The following TRAF2 variants were observed in gnomAD, a reference collection of about 807,000 sequenced individuals.
TRAF2 encodes TNF receptor associated factor 2, also known as TNF receptor-associated factor 2.
Under a neutral mutation model 55.6 loss-of-function variants are expected in TRAF2, and 6 were observed. The observed-to-expected ratio is 0.11, with a 90% confidence interval of 0.06 to 0.21. TRAF2 has a LOEUF of 0.21. Ranked by LOEUF, TRAF2 falls within the 10% of genes least tolerant of loss-of-function variation. The probability of loss-of-function intolerance (pLI) is 1.00; values close to 1 mark genes in which losing one functional copy is unlikely to be tolerated. For missense variants in TRAF2, 561 were observed against 684.5 expected (o/e 0.82, Z 2.01); for synonymous variants, 329 against 276.3 (o/e 1.19, Z -1.89).
chr9:136,898,320 C>A (rs1849733540), intron 1 of TRAF2, among the ~76,000 whole-genome samples: 1 of 152,192 alleles, frequency 6.6e-6, no homozygotes, highest in South Asian at 2.1e-4. Flanking sequence ...ATTGCAGGAA[C>A]CATGGGGGAG....
chr9:136,925,625 G>A (rs1387138807), intron 10 of TRAF2, 58 bp from the exon 11 acceptor site: 1 of 1,571,628 alleles, frequency 6.4e-7, no homozygotes, highest in African/African-American at 1.3e-5. Flanking sequence ...AGACCCTCGG[G>A]AGCCAGAGAG....
chr9:136,919,785 G>A (rs561245676), intron 7 of TRAF2, among the ~76,000 whole-genome samples: 139 of 150,052 alleles, frequency 9.3e-4, no homozygotes, highest in Middle Eastern at 7.0e-3. Flanking sequence ...GTATGATCTC[G>A]GCTCACTGCA....
chr9:136,921,413 G>C (rs1321243463), intron 9 of TRAF2, among the ~76,000 whole-genome samples, 198 bp downstream of exon 9: 1 of 152,168 alleles, frequency 6.6e-6, no homozygotes, highest in Non-Finnish European at 1.5e-5. Context: ...CCCTCGGGCA[G>C]GGGTCGGGGT....
At chr9:136,921,774 G>A (rs1368027502) in intron 9 of TRAF2, among the ~76,000 whole-genome samples, 2 of 152,008 alleles carry the variant, frequency 1.3e-5, no homozygotes, top group Non-Finnish European at 2.9e-5. Context: ...CACTGCTGGA[G>A]AGGGGGTGGG....
intron 10 of TRAF2, among the ~76,000 whole-genome samples, 161 bp downstream of exon 10, chr9:136,924,161 G>C (rs1588447213): frequency 1.3e-5 from 2 of 152,180 alleles, no homozygotes; most frequent in East Asian, 3.8e-4. Context: ...TCACGCGGTG[G>C]AGAGCTCTGG....
chr9:136,917,744 G>T (rs1850275895), intron 7 of TRAF2, among the ~76,000 whole-genome samples: 1 of 152,198 alleles, frequency 6.6e-6, no homozygotes, highest in South Asian at 2.1e-4. Context: ...GAGCGTGGCT[G>T]CTTCCATTTT....
chr9:136,887,109 A>AC (rs993515327), intron 1 of TRAF2, among the ~76,000 whole-genome samples: 1 of 151,880 alleles, frequency 6.6e-6, no homozygotes, highest in Non-Finnish European at 1.5e-5. Context: ...GGCTGGGGAG[A>AC]CCCAGGCTGA....
chr9:136,912,179 T>TG (rs1554781120), intron 6 of TRAF2, among the ~76,000 whole-genome samples: 3 of 62,994 alleles, frequency 4.8e-5, no homozygotes, highest in Non-Finnish European at 8.8e-5. Flanking sequence ...TTTTTTTTTT[T>TG]GGAGACAGAG....
At chr9:136,913,727 T>G (rs897158215) in intron 6 of TRAF2, among the ~76,000 whole-genome samples, 5 of 152,242 alleles carry the variant, frequency 3.3e-5, no homozygotes, top group Non-Finnish European at 5.9e-5. Context: ...TTTTGTTCTT[T>G]GACGATGTAA....
At chr9:136,898,532 A>G (rs1444902966) in intron 1 of TRAF2, 181 bp from the exon 2 acceptor site, 1 of 966,082 alleles carries the variant, frequency 1.0e-6, no homozygotes, top group South Asian at 4.8e-5. Context: ...GCGGCGGGAG[A>G]TGGGACTAGA....
intron 1 of TRAF2, among the ~76,000 whole-genome samples, chr9:136,892,259 C>T (rs1331270483): frequency 6.6e-6 from 1 of 151,698 alleles, no homozygotes; most frequent in East Asian, 2.0e-4. Flanking sequence ...GTCAGGAGAT[C>T]GAGACCATCC....
chr9:136,905,898 A>ATT (rs1368803328), intron 4 of TRAF2, among the ~76,000 whole-genome samples: 1 of 152,122 alleles, frequency 6.6e-6, no homozygotes, highest in African/African-American at 2.4e-5. Flanking sequence ...AGGTCAGGAG[A>ATT]TTGAGACCAT....
At chr9:136,896,761 G>A (rs889404103) in intron 1 of TRAF2, among the ~76,000 whole-genome samples, 2 of 151,942 alleles carry the variant, frequency 1.3e-5, no homozygotes. Context: ...GGCGCCCGCC[G>A]CCACGCCCGG....
rs1034121951 is a variant in TRAF2 at position 136,926,240 on chromosome 9, G to A, written c.*339G>A. The A allele has an allele frequency of 4.4e-5, 19 of 433,872 alleles. No individual in the cohort carries two copies. Among genetic ancestry groups the A allele is most frequent in the South Asian group, 3.6e-4 (19 of 52,612 alleles). 26.9% of individuals were successfully genotyped at this position (433,872 alleles called of 1,614,324 possible). On this transcript the variant is annotated 3_prime_UTR_variant, in exon 11 of 11. Transcript: ENST00000247668. ...TGGGTGGGGGACACTCAGAGTGGGA[G>A]CACATCCCAGCAGTGCCCATGTAGC...
chr9:136,921,354 C>T lies in TRAF2; in HGVS notation c.1138+139C>T. 1.8e-6 allele frequency: 2 copies of T among 1,120,776 alleles called. 1 individual carries two copies. Among genetic ancestry groups the T allele is most frequent in the African/African-American group, 3.1e-5 (2 of 64,542 alleles). The allele number at this position is 1,120,776 out of a possible 1,614,324, so 69.4% of individuals were successfully genotyped here. ...CCAGTGATACCGGGAGCAGCTACAC[C>T]TCCCTGAGTGGCAAGTGGGGTAGCT... On this transcript the variant is annotated intron_variant, in intron 9 of 10. Transcript: ENST00000247668.
intron 1 of TRAF2, among the ~76,000 whole-genome samples, chr9:136,888,181 A>G (rs1055157536): frequency 6.6e-6 from 1 of 152,210 alleles, no homozygotes; most frequent in African/African-American, 2.4e-5. Context: ...ATGAAATTAC[A>G]GTTTTAAAGT....
intron 3 of TRAF2, 61 bp from the exon 4 acceptor site, chr9:136,900,361 T>C: frequency 7.9e-7 from 1 of 1,265,330 alleles, no homozygotes. Flanking sequence ...TGGTCTGTGT[T>C]CCTTGGTTGC....
At chr9:136,889,140 T>C (rs1277337417) in intron 1 of TRAF2, among the ~76,000 whole-genome samples, 1 of 151,972 alleles carries the variant, frequency 6.6e-6, no homozygotes, top group Admixed American at 6.6e-5. Flanking sequence ...GGATTACAGG[T>C]GTGAGCCACC....
chr9:136,899,078 C>T (rs1849754387), intron 2 of TRAF2, 150 bp downstream of exon 2: 2 of 789,206 alleles, frequency 2.5e-6, no homozygotes, highest in South Asian at 1.9e-5. Context: ...AGGTTTACCA[C>T]AAAGAATGTA....
Sources: allele counts gnomAD v4.1 joint callset (sites outside exome capture counted in the v4.1 genomes callset), GRCh38; gene constraint gnomAD v4.1.1; transcripts MANE v1.5; gene names NCBI Gene and HGNC (gene_info 2026-07-23, HGNC 2026-07-21).